The following TJAP1 variants were observed in gnomAD, a reference collection of about 807,000 sequenced individuals.
TJAP1 encodes the protein tight junction associated protein 1, also known as tight junction-associated protein 1.
A neutral mutation model predicts 42.0 loss-of-function variants in TJAP1; 27 were observed. The ratio of observed to expected loss-of-function variants is 0.64; its 90% CI spans 0.47 to 0.89. The LOEUF is 0.89. Ranked by LOEUF, TJAP1 falls within the 40% of genes least tolerant of loss-of-function variation. The pLI is 0.00. For missense variants in TJAP1, 712 were observed against 726.9 expected (o/e 0.98, Z 0.24); for synonymous variants, 257 against 288.4 (o/e 0.89, Z 1.10).
intron 2 of TJAP1, among the ~76,000 whole-genome samples, chr6:43,490,541 G>C (rs1787581461): frequency 6.6e-6 from 1 of 152,198 alleles, no homozygotes. Context: ...AAGAAGTTAG[G>C]ATCAGCTGCA....
rs764980066 is a variant in TJAP1 at position 43,501,535 on chromosome 6, G to A, written c.138G>A (p.Gln46=). The change falls in exon 6 of 11, where the codon CAG becomes CAA. Residue 46 remains glutamine, a synonymous_variant. Coordinates refer to ENST00000372449, the Ensembl canonical transcript of TJAP1. ...CACAACACCCTGCCAGGCTCTTACA[G>A]GAGGAGAATGAAGAGCTTCGCCGGC... The A allele has an allele frequency of 8.7e-6, 14 of 1,613,280 alleles. No individual in the cohort carries two copies. The East Asian group carries it at 3.1e-4, about 36-fold the overall frequency.
chr6:43,482,520 C>T (rs1403676504), intron 2 of TJAP1, among the ~76,000 whole-genome samples: 1 of 152,178 alleles, frequency 6.6e-6, no homozygotes, highest in Non-Finnish European at 1.5e-5. Context: ...TCCTTCAGGT[C>T]TCAGTTTAAA....
rs997862570 is a variant in TJAP1, at chr6:43,495,831, G to A, written c.-121-2050G>A. 6.6e-6 allele frequency among the ~76,000 whole-genome samples: 1 copy of A among 152,140 alleles called. No homozygotes were observed. The highest frequency in any genetic ancestry group is 1.5e-5 in the Non-Finnish European group (1 of 68,010). ...GGGGCTTGAGGTCAGGGTGAGGCAG[G>A]AGGAGCTAGAGGATGTGTGGCAACT... On this transcript the variant is annotated intron_variant, in intron 2 of 10. Transcript: ENST00000372449. The surrounding 1 kb of genome is among the most constrained non-coding windows in gnomAD (Gnocchi z 4.6).
intron 6 of TJAP1, among the ~76,000 whole-genome samples, chr6:43,501,923 ACACACTCTCTCTCTCT>A (rs1322509416): frequency 3.2e-4 from 35 of 108,106 alleles, no homozygotes; most frequent in African/African-American, 1.5e-3. Flanking sequence ...ACACACACAC[ACACACTCTCTCTCTCT>A]CTCTCTCTCT....
chr6:43,479,885 G>A (rs1025704774), intron 2 of TJAP1, among the ~76,000 whole-genome samples: 28 of 152,042 alleles, frequency 1.8e-4, no homozygotes, highest in African/African-American at 6.5e-4. Flanking sequence ...CAGGAGAATC[G>A]CTTGAACCTG....
In TJAP1 at chr6:43,501,558, G is replaced by A. The variant is rs376480261; in HGVS notation, c.161G>A (p.Arg54Gln). ...CAGGAGGAGAATGAAGAGCTTCGCC[G>A]GCGCCTGGCCTCCGCCACCAGACGC... The change falls in exon 6 of 11, where the codon CGG becomes CAG. Residue 54 changes from arginine (R) to glutamine (Q), a missense_variant. This residue lies in a region of TJAP1 where 158 missense variants were observed against 182.1 expected (regional missense o/e 0.87). Coordinates refer to ENST00000372449, the Ensembl canonical transcript of TJAP1. The A allele has an allele frequency of 8.5e-5, 137 of 1,613,828 alleles. 5 individuals are homozygous for A. In the South Asian group the frequency reaches 1.4e-3, roughly 16 times the overall value.
intron 2 of TJAP1, among the ~76,000 whole-genome samples, chr6:43,480,440 TAAC>T (rs1785070246): frequency 1.3e-5 from 2 of 152,256 alleles, no homozygotes; most frequent in African/African-American, 4.8e-5. Flanking sequence ...ATGATAATAA[TAAC>T]AATAATGGTG....
chr6:43,502,070 A>T (rs1262902057), intron 6 of TJAP1, among the ~76,000 whole-genome samples: 13 of 123,942 alleles, frequency 1.0e-4, no homozygotes, highest in African/African-American at 4.4e-4. Context: ...ACACACACAC[A>T]CACACACTCT....
At chr6:43,490,168 G>T (rs962846603) in intron 2 of TJAP1, among the ~76,000 whole-genome samples, 6 of 152,308 alleles carry the variant, frequency 3.9e-5, no homozygotes, top group Admixed American at 3.9e-4. Context: ...TCTTACTACT[G>T]CGTCCCTCTA....
Position 43,505,367 on chromosome 6 carries a change from A to T in TJAP1, c.1186A>T (p.Thr396Ser). The T allele has an allele frequency of 6.2e-7, 1 of 1,609,360 alleles. No homozygotes were observed. The highest frequency in any genetic ancestry group is 8.5e-7 in the Non-Finnish European group (1 of 1,179,514). The change falls in exon 11 of 11, where the codon ACA (threonine) becomes TCA (serine). Residue 396 changes from threonine to serine, a missense_variant. Thr to Ser is a moderately conservative substitution (Grantham distance 58). This residue lies in a region of TJAP1 where 549 missense variants were observed against 528.2 expected (regional missense o/e 1.04). Transcript: ENST00000372449. This position sits in a 1 kb window ranked among gnomAD's most constrained non-coding sequence, Gnocchi z 5.5. ...CCACCAGCCCAGCCCAGCACCCCTA[A>T]CACTCAGTGCCCCAGCTAGCTCTGC... is the stretch of plus-strand genomic sequence containing the variant.
At chr6:43,487,321 C>T (rs765277616) in intron 2 of TJAP1, among the ~76,000 whole-genome samples, 1 of 152,192 alleles carries the variant, frequency 6.6e-6, no homozygotes, top group Non-Finnish European at 1.5e-5. Flanking sequence ...TAAAACTCTG[C>T]TTATCATTTT....
At chr6:43,502,700 C>T in intron 8 of TJAP1, 83 bp downstream of exon 8, 3 of 1,445,482 alleles carry the variant, frequency 2.1e-6, no homozygotes, top group Non-Finnish European at 1.9e-6. Context: ...CTGGCTGTTA[C>T]CCTGTGCCCC....
rs969618925 is a variant in TJAP1, at chr6:43,492,929, C to T, written c.-121-4952C>T. Among the ~76,000 whole-genome samples, 4 of 152,310 alleles carry T rather than the reference C, an allele frequency of 2.6e-5. No homozygotes were observed. The highest frequency in any genetic ancestry group is 6.8e-3 in the Middle Eastern group (2 of 294). ...GAGACTCCACATCCAGCACTTACAG[C>T]TCAGGACAGTTCCTGAGGGGGAGGC... On this transcript the variant is annotated intron_variant, in intron 2 of 10. Coordinates refer to ENST00000372449, the Ensembl canonical transcript of TJAP1. This position sits in a 1 kb window ranked among gnomAD's most constrained non-coding sequence, Gnocchi z 4.2.
At position 43,495,697 on chromosome 6, in the gene TJAP1, G is replaced by A. The variant is rs1788944925; in HGVS notation, c.-121-2184G>A. Among the ~76,000 whole-genome samples, 1 of 152,152 alleles carries A rather than the reference G, an allele frequency of 6.6e-6. No individual in the cohort carries two copies. Among genetic ancestry groups the A allele is most frequent in the Non-Finnish European group, 1.5e-5 (1 of 68,018 alleles). On this transcript the variant is annotated intron_variant, in intron 2 of 10. Coordinates refer to ENST00000372449, the Ensembl canonical transcript of TJAP1. The surrounding 1 kb of genome is among the most constrained non-coding windows in gnomAD (Gnocchi z 4.6). ...CCCAGAGAGTCTGTCTGCATTTACT[G>A]CCTGTCCCACTGCCAGCTACCTTCT...
At chr6:43,501,891 C>CACACACACA (rs1790766427) in intron 6 of TJAP1, among the ~76,000 whole-genome samples, 2 of 39,070 alleles carry the variant, frequency 5.1e-5, no homozygotes, top group African/African-American at 2.2e-4. Flanking sequence ...GAATGCGGGG[C>CACACACACA]CACACACACA....
intron 2 of TJAP1, among the ~76,000 whole-genome samples, chr6:43,487,669 G>A (rs1581940730): frequency 6.7e-6 from 1 of 150,000 alleles, no homozygotes; most frequent in Non-Finnish European, 1.5e-5. Context: ...CAGTGTAGAT[G>A]CAGGGTTTTT....
chr6:43,488,383 G>A (rs1004469528), intron 2 of TJAP1, among the ~76,000 whole-genome samples: 3 of 152,118 alleles, frequency 2.0e-5, no homozygotes, highest in Admixed American at 2.0e-4. Context: ...TTTACTAGAG[G>A]GTCTTGCCAC....
chr6:43,496,378 T>C (rs1466564628), intron 2 of TJAP1, among the ~76,000 whole-genome samples: 1 of 151,980 alleles, frequency 6.6e-6, no homozygotes, highest in Non-Finnish European at 1.5e-5. Flanking sequence ...CCTGTTGGGG[T>C]AACTTGTTTG....
chr6:43,488,868 A>G (rs1457457583), intron 2 of TJAP1, among the ~76,000 whole-genome samples: 1 of 152,178 alleles, frequency 6.6e-6, no homozygotes, highest in Non-Finnish European at 1.5e-5. Flanking sequence ...TGGGGAGCCC[A>G]GTGTGTAGGC....
Sources: gnomAD v4.1 joint callset for allele counts (sites outside exome capture counted in the v4.1 genomes callset) on GRCh38, gnomAD v4.1.1 for gene constraint, gnomAD v4.1.1 regional missense constraint, Gnocchi (gnomAD v3.1) non-coding constraint, MANE v1.5 for transcripts, NCBI Gene and HGNC (gene_info 2026-07-23, HGNC 2026-07-21) for gene names.